Variants in HS3ST3B1 observed in about 807,000 individuals in gnomAD.
The protein encoded by HS3ST3B1 is heparan sulfate glucosamine 3-O-sulfotransferase 3B1.
Under a neutral mutation model 21.3 loss-of-function variants are expected in HS3ST3B1, and 13 were observed. That is an observed-to-expected ratio of 0.61 (90% CI 0.40 to 0.97). The LOEUF (loss-of-function observed/expected upper bound fraction) is 0.97. HS3ST3B1 is among the 50% of genes least tolerant of loss of function. The pLI is 0.00. For missense variants in HS3ST3B1, 459 were observed against 554.8 expected, an observed-to-expected ratio of 0.83 and a Z score of 1.73; for synonymous variants, 234 against 254.8, an observed-to-expected ratio of 0.92 and a Z score of 0.78.
rs542208941 is a variant in HS3ST3B1, at chr17:14,345,824, A to G, written c.*178A>G. 24 of 812,422 alleles carry G rather than the reference A, an allele frequency of 3.0e-5. 1 individual carries two copies. The African/African-American group carries it at 3.3e-4, about 11-fold the overall frequency. The allele number at this position is 812,422 out of a possible 1,614,324, so 50.3% of individuals were successfully genotyped here. ...TAGCTTCATAATCTGTTAACATTCC[A>G]AAGTGTTTAACTCTAGTATTTCGTT... On this transcript the variant is annotated 3_prime_UTR_variant, in exon 2 of 2. Transcript: ENST00000360954.
intron 1 of HS3ST3B1, among the ~76,000 whole-genome samples, chr17:14,321,964 CATT>C (rs552166393): frequency 7.5e-4 from 114 of 151,720 alleles, no homozygotes; most frequent in African/African-American, 2.5e-3. Flanking sequence ...TTATCATCAT[CATT>C]ATCATTATCA....
rs1394082015 is a variant in HS3ST3B1 at position 14,347,916 on chromosome 17, A to G, written c.*2270A>G. ...CTGCCTTCTTGATGAGTGATTGTGAAAAACACCTGCATAAGGGTGCTAATT... is the reference window on the plus strand; with the variant it reads ...CTGCCTTCTTGATGAGTGATTGTGAGAAACACCTGCATAAGGGTGCTAATT... On this transcript the variant is annotated 3_prime_UTR_variant, in exon 2 of 2. Coordinates refer to ENST00000360954, the MANE Select transcript of HS3ST3B1 (RefSeq NM_006041.3). The G allele has an allele frequency of 6.6e-6, 1 of 152,242 alleles. No homozygotes were observed. Among genetic ancestry groups the G allele is most frequent in the Non-Finnish European group, 1.5e-5 (1 of 68,046 alleles). The allele number at this position is 152,242 out of a possible 1,614,324, so 9.4% of individuals were successfully genotyped here. A position where few individuals can be genotyped will look rare whatever the true frequency, so the allele number is the denominator to read the frequency against.
chr17:14,344,972 G>A, intron 1 of HS3ST3B1, 56 bp from the exon 2 acceptor site: 2 of 1,577,200 alleles, frequency 1.3e-6, no homozygotes, highest in African/African-American at 1.3e-5. Context: ...ACCTTAAGAC[G>A]TGTGGCCAGA....
At chr17:14,310,046 G>C (rs986068899) in intron 1 of HS3ST3B1, among the ~76,000 whole-genome samples, 2 of 152,168 alleles carry the variant, frequency 1.3e-5, no homozygotes, top group African/African-American at 4.8e-5. Flanking sequence ...CTTCTATAAT[G>C]GGTGCCTGTA....
intron 1 of HS3ST3B1, among the ~76,000 whole-genome samples, chr17:14,332,973 G>T (rs1230765895): frequency 2.0e-5 from 3 of 151,456 alleles, no homozygotes; most frequent in African/African-American, 7.3e-5. Context: ...GCAAAGCTGC[G>T]CATGCTCCCT....
chr17:14,318,942 A>G (rs980233779), intron 1 of HS3ST3B1, among the ~76,000 whole-genome samples: 2 of 152,168 alleles, frequency 1.3e-5, no homozygotes, highest in Non-Finnish European at 2.9e-5. Context: ...ACTTTGATGG[A>G]AGCCACCTCA....
rs1910580754 is a variant in HS3ST3B1 at position 14,346,443 on chromosome 17, G to T, written c.*797G>T. ...ATTTTGTATTTTTAGTAGAGACGGG[G>T]TTTCTTCATGTTGGTCAGGCTGGTA... On this transcript the variant is annotated 3_prime_UTR_variant, in exon 2 of 2. Transcript: ENST00000360954. 1 of 151,900 alleles carries T rather than the reference G, an allele frequency of 6.6e-6. No individual in the cohort carries two copies. Among genetic ancestry groups the T allele is most frequent in the African/African-American group, 2.4e-5 (1 of 41,328 alleles). The allele number at this position is 151,900 out of a possible 1,614,324, so 9.4% of individuals were successfully genotyped here. A position where few individuals can be genotyped will look rare whatever the true frequency, so the allele number is the denominator to read the frequency against.
intron 1 of HS3ST3B1, among the ~76,000 whole-genome samples, chr17:14,318,715 G>A (rs1909571974): frequency 6.6e-6 from 1 of 152,182 alleles, no homozygotes; most frequent in African/African-American, 2.4e-5. Flanking sequence ...GTGGCTGGGT[G>A]GCTCCCTGCC....
intron 1 of HS3ST3B1, chr17:14,327,766 A>T (rs1909861533): frequency 6.6e-6 from 1 of 152,174 alleles, no homozygotes; most frequent in Non-Finnish European, 1.5e-5. Context: ...TGTTCATTCA[A>T]CAAATATTTT....
intron 1 of HS3ST3B1, among the ~76,000 whole-genome samples, chr17:14,306,026 C>T (rs964245648): frequency 4.6e-5 from 7 of 152,252 alleles, no homozygotes; most frequent in African/African-American, 4.8e-5. Flanking sequence ...CACACTTCCT[C>T]GCTTAAGTGA....
intron 1 of HS3ST3B1, among the ~76,000 whole-genome samples, chr17:14,312,622 C>A (rs1909341672): frequency 6.6e-6 from 1 of 152,100 alleles, no homozygotes; most frequent in African/African-American, 2.4e-5. Context: ...TCCCTGTAGC[C>A]CTTGCCCCAA....
At chr17:14,324,653 G>A (rs939271206) in intron 1 of HS3ST3B1, among the ~76,000 whole-genome samples, 11 of 152,010 alleles carry the variant, frequency 7.2e-5, no homozygotes, top group African/African-American at 2.4e-4. Context: ...TTGCTCTGTT[G>A]CCCAGGCTAG....
chr17:14,326,367 TC>T (rs1909817831), intron 1 of HS3ST3B1, among the ~76,000 whole-genome samples: 1 of 152,174 alleles, frequency 6.6e-6, no homozygotes, highest in African/African-American at 2.4e-5. Context: ...TATGAACATT[TC>T]CAGATTTGGC....
intron 1 of HS3ST3B1, among the ~76,000 whole-genome samples, chr17:14,316,377 C>T (rs182559266): frequency 7.4e-4 from 113 of 152,296 alleles, no homozygotes; most frequent in African/African-American, 2.6e-3. Flanking sequence ...GATTTCAAGT[C>T]GGGTCTTGCT....
intron 1 of HS3ST3B1, among the ~76,000 whole-genome samples, chr17:14,321,469 T>C (rs758073080): frequency 6.6e-6 from 1 of 152,138 alleles, no homozygotes; most frequent in Non-Finnish European, 1.5e-5. Context: ...CTCTTTTCCA[T>C]TTACACACTT....
intron 1 of HS3ST3B1, among the ~76,000 whole-genome samples, chr17:14,311,237 TAAAAAAA>T (rs5819469): frequency 7.6e-6 from 1 of 130,800 alleles, no homozygotes; most frequent in African/African-American, 3.0e-5. Flanking sequence ...CCTGGCTAAT[TAAAAAAA>T]AAAAAAAAAA....
chr17:14,312,901 CTTTTTTT>C (rs35154149), intron 1 of HS3ST3B1, among the ~76,000 whole-genome samples: 5 of 129,456 alleles, frequency 3.9e-5, no homozygotes, highest in Non-Finnish European at 8.0e-5. Flanking sequence ...GTGAAAATGT[CTTTTTTT>C]TTTTTTTTTT....
chr17:14,307,687 G>C (rs375799413), intron 1 of HS3ST3B1, among the ~76,000 whole-genome samples: 42 of 152,242 alleles, frequency 2.8e-4, no homozygotes, highest in Middle Eastern at 3.4e-3. Flanking sequence ...GCTGCTTGCC[G>C]ACTGGTTTCT....
chr17:14,321,864 T>C (rs1909668074), intron 1 of HS3ST3B1, among the ~76,000 whole-genome samples: 1 of 152,164 alleles, frequency 6.6e-6, no homozygotes, highest in East Asian at 1.9e-4. Flanking sequence ...AAGGCATTAG[T>C]GCGGAAGTGC....
Sources: allele counts gnomAD v4.1 joint callset (sites outside exome capture counted in the v4.1 genomes callset), GRCh38; gene constraint gnomAD v4.1.1; transcripts MANE v1.5; gene names NCBI Gene and HGNC (gene_info 2026-07-23, HGNC 2026-07-21).